COPA: variants seen among roughly 807,000 people sequenced by gnomAD.
COPA encodes the protein coatomer subunit alpha.
COPA carries 10 observed loss-of-function variants against 158.7 expected under a neutral mutation model. The observed-to-expected ratio is 0.06, with a 90% CI of 0.04 to 0.11. The LOEUF is 0.11. Ranked by LOEUF, COPA falls within the 10% of genes least tolerant of loss-of-function variation. The pLI is 1.00. For synonymous variants in COPA, 462 were observed against 542.8 expected (o/e 0.85, Z 2.07); for missense variants, 1,065 against 1,536.7 (o/e 0.69, Z 5.13).
intron 31 of COPA, among the ~76,000 whole-genome samples, 190 bp from the exon 32 acceptor site, chr1:160,290,876 C>T (rs996640128): frequency 2.0e-5 from 3 of 152,188 alleles, no homozygotes; most frequent in African/African-American, 7.2e-5. Flanking sequence ...AAACTTTCCC[C>T]TTCTCAATAC....
intron 3 of COPA, among the ~76,000 whole-genome samples, chr1:160,335,747 G>A (rs927423825): frequency 1.3e-5 from 2 of 151,798 alleles, no homozygotes; most frequent in African/African-American, 4.8e-5. Flanking sequence ...GCCAGGCGTG[G>A]TGGCATGTGC....
intron 3 of COPA, among the ~76,000 whole-genome samples, chr1:160,337,545 C>A (rs1389301761): frequency 6.6e-6 from 1 of 152,120 alleles, no homozygotes; most frequent in Non-Finnish European, 1.5e-5. Flanking sequence ...CATGGAGAAA[C>A]CCCATCTCTA....
chr1:160,301,540 C>T (rs553094179), intron 17 of COPA, among the ~76,000 whole-genome samples: 6 of 152,130 alleles, frequency 3.9e-5, no homozygotes, highest in African/African-American at 1.2e-4. Flanking sequence ...TGGGAGGCCA[C>T]GGCAGGCCGA....
At position 160,294,472 on chromosome 1, in the gene COPA, A is replaced by G. The variant is rs1462329379; in HGVS notation, c.2676+12T>C. On this transcript the variant is annotated intron_variant, in intron 25 of 32. Coordinates refer to ENST00000241704, the MANE Select transcript of COPA (RefSeq NM_004371.4). Reference sequence around the variant, plus strand: ...ACGGAGAGAACCTTCTAAGGGTACAAATTCCACATACCAGCTCAGGAGGGA... The same window carrying G: ...ACGGAGAGAACCTTCTAAGGGTACAGATTCCACATACCAGCTCAGGAGGGA... The G allele has an allele frequency of 6.2e-7, 1 of 1,612,138 alleles. No homozygotes were observed. The highest frequency in any genetic ancestry group is 8.5e-7 in the Non-Finnish European group (1 of 1,178,220).
Position 160,293,501 on chromosome 1 carries a change from T to G in COPA, c.2677-38A>C, listed in dbSNP as rs772976966. The G allele has an allele frequency of 6.5e-5, 98 of 1,504,578 alleles. No homozygotes were observed. In the East Asian group the frequency reaches 2.4e-3, roughly 37 times the overall value. The allele number at this position is 1,504,578 out of a possible 1,614,324, so 93.2% of individuals were successfully genotyped here. On this transcript the variant is annotated intron_variant, in intron 25 of 32. Transcript: ENST00000241704. ...CAAAAATTGAGTATTGAGTAATTTT[T>G]TTTTTTTTTTTGAGACAGGGTCACA... is the stretch of plus-strand genomic sequence containing the variant.
At chr1:160,330,220 A>T (rs1022068421) in intron 6 of COPA, among the ~76,000 whole-genome samples, 3 of 151,942 alleles carry the variant, frequency 2.0e-5, no homozygotes, top group African/African-American at 7.3e-5. Context: ...GAGTGCTTTG[A>T]ATGTGTGCAC....
chr1:160,305,455 T>C lies in COPA; in HGVS notation c.1645A>G (p.Ile549Val). ...TACCCAGTGGTGACAGCATATTTGATGTGGTTGCTTGTGGTATAGATAAAT... is the reference window on the plus strand; with the variant it reads ...TACCCAGTGGTGACAGCATATTTGACGTGGTTGCTTGTGGTATAGATAAAT... ...GVFIYTTSNH[I>V]KYAVTTGDHG... Residue 549 changes from isoleucine (I) to valine (V), a missense_variant, in exon 17 of 33, where the codon ATC becomes GTC. Ile to Val is a conservative substitution (Grantham distance 29, BLOSUM62 3). Transcript: ENST00000241704. The C allele has an allele frequency of 6.2e-7, 1 of 1,614,168 alleles. No individual in the cohort carries two copies. The highest frequency in any genetic ancestry group is 8.5e-7 in the Non-Finnish European group (1 of 1,180,006).
rs370354390 is a variant in COPA at position 160,290,708 on chromosome 1, T to C, written c.3421-22A>G. 17 of 1,611,608 alleles carry C rather than the reference T, an allele frequency of 1.1e-5. No individual in the cohort carries two copies. In the African/African-American group the frequency reaches 2.1e-4, roughly 20 times the overall value. ...GGGTCTAGGGGAAGGAAGGAGTATT[T>C]AGGAGGACAGAAGGCTGCAGACAAC... On this transcript the variant is annotated intron_variant, in intron 31 of 32. Coordinates refer to ENST00000241704, the MANE Select transcript of COPA (RefSeq NM_004371.4).
intron 6 of COPA, among the ~76,000 whole-genome samples, chr1:160,326,485 C>T (rs570687244): frequency 2.6e-5 from 4 of 152,252 alleles, no homozygotes; most frequent in South Asian, 4.1e-4. Context: ...GCCATGATGG[C>T]GCCACTGCAC....
intron 17 of COPA, among the ~76,000 whole-genome samples, chr1:160,300,318 T>G (rs982151565): frequency 2.6e-5 from 4 of 151,012 alleles, no homozygotes; most frequent in Non-Finnish European, 4.4e-5. Context: ...CCAGCCTGGG[T>G]GAGACTGGGA....
intron 13 of COPA, chr1:160,308,852 AAG>A (rs1368437637): frequency 2.3e-6 from 1 of 438,448 alleles, no homozygotes; most frequent in East Asian, 4.2e-5. Flanking sequence ...GCTGTGCTGA[AAG>A]AGAGAATGGA....
intron 3 of COPA, chr1:160,339,302 T>C (rs74123123): frequency 0.033 from 5,013 of 152,266 alleles, 274 homozygotes; most frequent in African/African-American, 0.11. Flanking sequence ...CTTGCCCAAA[T>C]CATCCAATCT....
intron 6 of COPA, among the ~76,000 whole-genome samples, chr1:160,331,591 G>A (rs554073810): frequency 2.0e-5 from 3 of 150,238 alleles, no homozygotes; most frequent in Non-Finnish European, 2.9e-5. Context: ...AGGTTGTAGC[G>A]AGCCGAGATT....
At chr1:160,324,947 A>G (rs1381079462) in intron 7 of COPA, among the ~76,000 whole-genome samples, 1 of 152,206 alleles carries the variant, frequency 6.6e-6, no homozygotes, top group Non-Finnish European at 1.5e-5. Flanking sequence ...ATTGAGATGT[A>G]TCATGATGCA....
In COPA at chr1:160,293,484, G is replaced by C. The variant is rs768856965; in HGVS notation, c.2677-21C>G. 13 of 1,540,124 alleles carry C rather than the reference G, an allele frequency of 8.4e-6. No individual in the cohort carries two copies. In the South Asian group the frequency reaches 1.4e-4, roughly 16 times the overall value. ...ATATCCTAGGGGAAAAACAAAAATT[G>C]AGTATTGAGTAATTTTTTTTTTTTT... On this transcript the variant is annotated intron_variant, in intron 25 of 32. Coordinates refer to ENST00000241704, the MANE Select transcript of COPA (RefSeq NM_004371.4).
chr1:160,305,780 T>G lies in COPA; in HGVS notation c.1443-7A>C. The stretch of plus-strand genomic sequence containing the variant: ...CTTCACAGATGCCAGAGTCCTGAGA[T>G]AGATAGAGATGTGCAAACATGAATG... On this transcript the variant is annotated splice_region_variant and splice_polypyrimidine_tract_variant and intron_variant, in intron 15 of 32. Coordinates refer to ENST00000241704, the MANE Select transcript of COPA (RefSeq NM_004371.4). 3 of 1,610,408 alleles carry G rather than the reference T, an allele frequency of 1.9e-6. No homozygotes were observed. The highest frequency in any genetic ancestry group is 1.7e-6 in the Non-Finnish European group (2 of 1,176,968).
At chr1:160,332,610 C>G (rs1647583687) in intron 5 of COPA, 53 bp from the exon 6 acceptor site, 2 of 1,266,396 alleles carry the variant, frequency 1.6e-6, no homozygotes, top group Non-Finnish European at 2.2e-6. Context: ...TCAACAGACT[C>G]CTAAACTAAA....
rs552548810 is a variant in COPA at position 160,325,611 on chromosome 1, C to G, written c.538G>C (p.Asp180His). The change falls in exon 7 of 33, where the codon GAT (aspartate) becomes CAT (histidine). Residue 180 changes from aspartate (D) to histidine (H), a missense_variant. Asp to His is a moderately conservative substitution (Grantham distance 81). Transcript: ENST00000241704. ...KNLSPGAVESDVRGITGVDLF... is the reference protein window; with the variant it reads ...KNLSPGAVESHVRGITGVDLF... ...TCAACCCCAGTTATTCCTCTCACATCCGATTCCACCGCACCAGGGGACAGG... is the reference window on the plus strand; with the variant it reads ...TCAACCCCAGTTATTCCTCTCACATGCGATTCCACCGCACCAGGGGACAGG... 5 of 1,614,218 alleles carry G rather than the reference C, an allele frequency of 3.1e-6. No individual in the cohort carries two copies. The South Asian group carries it at 5.5e-5, about 18-fold the overall frequency.
chr1:160,323,392 G>C, intron 8 of COPA, 39 bp downstream of exon 8: 1 of 1,540,616 alleles, frequency 6.5e-7, no homozygotes, highest in Non-Finnish European at 8.8e-7. Flanking sequence ...CTGGCTGGCA[G>C]TTTCTTAGAT....
Sources: gnomAD v4.1 joint callset for allele counts (sites outside exome capture counted in the v4.1 genomes callset) on GRCh38, gnomAD v4.1.1 for gene constraint, MANE v1.5 for transcripts, NCBI Gene and HGNC (gene_info 2026-07-23, HGNC 2026-07-21) for gene names.